The following PIK3C2B variants were observed in gnomAD, a reference collection of about 807,000 sequenced individuals.
PIK3C2B encodes the protein phosphatidylinositol-4-phosphate 3-kinase catalytic subunit type 2 beta, also known as phosphatidylinositol 4-phosphate 3-kinase C2 domain-containing subunit beta.
Under a neutral mutation model 184.3 loss-of-function variants are expected in PIK3C2B, and 83 were observed. That is an observed-to-expected ratio of 0.45 (90% CI 0.38 to 0.54). The LOEUF (loss-of-function observed/expected upper bound fraction) is 0.54, where lower values mean the gene tolerates loss of function less well. Ranked by LOEUF, PIK3C2B falls within the 20% of genes least tolerant of loss-of-function variation. PIK3C2B has a pLI of 0.00. For synonymous variants in PIK3C2B, 779 were observed against 837.6 expected (o/e 0.93, Z 1.21); for missense variants, 1,736 against 2,113.5 (o/e 0.82, Z 3.50).
intron 1 of PIK3C2B, chr1:204,490,260 T>C (rs1023281018): frequency 8.0e-6 from 2 of 249,932 alleles, no homozygotes; most frequent in African/African-American, 4.4e-5. Context: ...TTATTTCTGC[T>C]TCAGGACTAC....
At chr1:204,483,802 G>A (rs1244917419) in intron 1 of PIK3C2B, among the ~76,000 whole-genome samples, 1 of 152,172 alleles carries the variant, frequency 6.6e-6, no homozygotes, top group Non-Finnish European at 1.5e-5. Flanking sequence ...AGCAAAGGGT[G>A]AACCACTGGC....
At chr1:204,467,744 A>G (rs1296906773) in intron 2 of PIK3C2B, among the ~76,000 whole-genome samples, 1 of 144,784 alleles carries the variant, frequency 6.9e-6, no homozygotes, top group Non-Finnish European at 1.5e-5. Flanking sequence ...CTGAGGCAGG[A>G]GAATCTCTTG....
At chr1:204,449,428 G>C (rs564017448) in intron 13 of PIK3C2B, 132 bp from the exon 14 acceptor site, 9 of 687,762 alleles carry the variant, frequency 1.3e-5, no homozygotes, top group Admixed American at 2.4e-5. Context: ...TCTCACCGTG[G>C]ACCATAGCCT....
rs202100605 is a variant in PIK3C2B, at chr1:204,447,533, G to T, written c.2392C>A (p.Pro798Thr). The T allele has an allele frequency of 1.9e-6, 3 of 1,611,168 alleles. No homozygotes were observed. The highest frequency in any genetic ancestry group is 2.2e-5 in the South Asian group (2 of 90,996). The stretch of plus-strand genomic sequence containing the variant: ...TAGCGGGGGCTGAACTTGTCTCCAG[G>T]GGGGCTGGTGAACTTGATGTCAAAG... ...SAFDIKFTSP[P>T]GDKFSPRYEF... Residue 798 changes from proline (P) to threonine (T), a missense_variant, in exon 15 of 33, where the codon CCT (proline) becomes ACT (threonine). Physicochemically the swap from Pro to Thr is conservative, Grantham distance 38. Transcript: ENST00000684373. This position sits in a 1 kb window ranked among gnomAD's most constrained non-coding sequence, Gnocchi z 4.1.
At chr1:204,453,946 A>AT (rs899312070) in intron 12 of PIK3C2B, among the ~76,000 whole-genome samples, 62 of 150,894 alleles carry the variant, frequency 4.1e-4, no homozygotes, top group African/African-American at 1.3e-3. Flanking sequence ...GCTATTTTGT[A>AT]TTTTTTTTAG....
At chr1:204,471,003 G>A (rs1041061693) in intron 1 of PIK3C2B, among the ~76,000 whole-genome samples, 9 of 152,224 alleles carry the variant, frequency 5.9e-5, no homozygotes, top group African/African-American at 2.2e-4. Context: ...GGATTACAAC[G>A]GGACACAAGG....
At chr1:204,475,670 C>T (rs1159145074) in intron 1 of PIK3C2B, among the ~76,000 whole-genome samples, 1 of 152,172 alleles carries the variant, frequency 6.6e-6, no homozygotes, top group African/African-American at 2.4e-5. Context: ...TTGATTCCAA[C>T]CTACTGATTC....
Position 204,425,681 on chromosome 1 carries a change from G to A in PIK3C2B, c.4648C>T (p.Pro1550Ser), listed in dbSNP as rs546949370. 96 of 1,613,890 alleles carry A rather than the reference G, an allele frequency of 5.9e-5. No homozygotes were observed. In the African/African-American group the frequency reaches 6.8e-4, roughly 11 times the overall value. ...GTTTTCCTCTTAGTGGTTTTCTGAG[G>A]GTCAGGAAGGAGGTAAATTTTCACA... ...PYVKIYLLPDPQKTTKRKTKV... is the reference protein window; with the variant it reads ...PYVKIYLLPDSQKTTKRKTKV... The change falls in exon 32 of 33, where the codon CCT (proline) becomes TCT (serine). Residue 1550 changes from proline (P) to serine (S), a missense_variant. This residue lies in a region of PIK3C2B where 95 missense variants were observed against 164.2 expected (regional missense o/e 0.58). Transcript: ENST00000684373.
intron 1 of PIK3C2B, among the ~76,000 whole-genome samples, chr1:204,489,169 G>C (rs1224167546): frequency 2.0e-5 from 3 of 151,894 alleles, no homozygotes; most frequent in African/African-American, 7.3e-5. Context: ...ATTATTTTCA[G>C]AGACAGGGTC....
In PIK3C2B at chr1:204,443,549, C is replaced by T. The variant is rs1558242743; in HGVS notation, c.2916G>A (p.Gln972=). The T allele has an allele frequency of 6.2e-7, 1 of 1,614,226 alleles. No individual in the cohort carries two copies. Among genetic ancestry groups the T allele is most frequent in the Non-Finnish European group, 8.5e-7 (1 of 1,180,026 alleles). ...LKDSQFSIRY[Q]YLLAALLCCC... is the part of the protein sequence containing the mutation. ...AGCACAGTAAGGCTGCCAGCAGATACTGGTAGCGGATGCTGAACTGAGAGT... is the reference window on the plus strand; with the variant it reads ...AGCACAGTAAGGCTGCCAGCAGATATTGGTAGCGGATGCTGAACTGAGAGT... Residue 972 remains glutamine, a synonymous_variant, in exon 19 of 33, where the codon CAG becomes CAA. Transcript: ENST00000684373.
At position 204,428,230 on chromosome 1, in the gene PIK3C2B, A is replaced by C; in HGVS notation, c.4399-10T>G. ...TGTACACCAAATCACACTGGAACAG[A>C]ATCAGAAACAGGGCCATTCTTCAAT... On this transcript the variant is annotated splice_polypyrimidine_tract_variant and intron_variant, in intron 29 of 32. Coordinates refer to ENST00000684373, the MANE Select transcript of PIK3C2B (RefSeq NM_001377334.1). The C allele has an allele frequency of 5.1e-6, 8 of 1,579,730 alleles. No homozygotes were observed. Among genetic ancestry groups the C allele is most frequent in the Non-Finnish European group, 7.0e-6 (8 of 1,149,152 alleles).
chr1:204,470,131 C>A lies in PIK3C2B; in HGVS notation c.-84-245G>T, dbSNP rs61760616. 9.0e-3 allele frequency among the ~76,000 whole-genome samples: 1,371 copies of A among 151,964 alleles called. 13 individuals are homozygous for A. The highest frequency in any genetic ancestry group is 0.032 in the South Asian group (154 of 4,798). ...CTCTGCGCCCTAATCCCTATACTCA[C>A]CTCTGTCATTTGTGCCCCAAAAAGA... is the stretch of plus-strand genomic sequence containing the variant. On this transcript the variant is annotated intron_variant, in intron 1 of 32. Coordinates refer to ENST00000684373, the MANE Select transcript of PIK3C2B (RefSeq NM_001377334.1).
intron 1 of PIK3C2B, among the ~76,000 whole-genome samples, chr1:204,485,412 T>C (rs1657504327): frequency 1.3e-5 from 2 of 151,004 alleles, no homozygotes; most frequent in African/African-American, 4.8e-5. Flanking sequence ...TGAAAAATTA[T>C]TTTATTAGGC....
At chr1:204,443,950 A>G in intron 18 of PIK3C2B, 118 bp downstream of exon 18, 1 of 741,232 alleles carries the variant, frequency 1.3e-6, no homozygotes, top group Non-Finnish European at 2.4e-6. Context: ...GCCACAGGGT[A>G]AGTCAGCACA....
chr1:204,446,181 G>C, intron 15 of PIK3C2B, 37 bp from the exon 16 acceptor site: 1 of 1,455,438 alleles, frequency 6.9e-7, no homozygotes. Flanking sequence ...TGGTGGGAGG[G>C]TAGGGGGCAG....
At chr1:204,470,901 T>C (rs1209412557) in intron 1 of PIK3C2B, among the ~76,000 whole-genome samples, 1 of 152,272 alleles carries the variant, frequency 6.6e-6, no homozygotes, top group Non-Finnish European at 1.5e-5. Flanking sequence ...TACATATGAT[T>C]CCATTTATAT....
chr1:204,466,815 TG>T, intron 2 of PIK3C2B: 1 of 531,402 alleles, frequency 1.9e-6, no homozygotes, highest in Non-Finnish European at 3.9e-6. Context: ...CGATGCTGGC[TG>T]GGGGAGTCTG....
intron 1 of PIK3C2B, among the ~76,000 whole-genome samples, chr1:204,486,081 T>C (rs923004839): frequency 2.0e-4 from 30 of 152,238 alleles, no homozygotes; most frequent in African/African-American, 7.2e-4. Flanking sequence ...CAAAGCACTT[T>C]TATAGACATT....
chr1:204,424,867 A>G lies in PIK3C2B; in HGVS notation c.4890T>C (p.Ser1630=), dbSNP rs1674662413. 1 of 1,614,012 alleles carries G rather than the reference A, an allele frequency of 6.2e-7. No individual in the cohort carries two copies. The highest frequency in any genetic ancestry group is 8.5e-7 in the Non-Finnish European group (1 of 1,179,970). ...KTGWFALGSR[S]HGTL ...TCTGCTGGGCTCACAAGGTGCCATGACTTCGAGATCCCAGGGCGAACCAGC... is the reference window on the plus strand; with the variant it reads ...TCTGCTGGGCTCACAAGGTGCCATGGCTTCGAGATCCCAGGGCGAACCAGC... The change falls in exon 33 of 33, where the codon AGT becomes AGC. Residue 1630 remains serine, a synonymous_variant. Transcript: ENST00000684373.
Sources: gnomAD v4.1 joint callset for allele counts (sites outside exome capture counted in the v4.1 genomes callset) on GRCh38, gnomAD v4.1.1 for gene constraint, gnomAD v4.1.1 regional missense constraint, Gnocchi (gnomAD v3.1) non-coding constraint, MANE v1.5 for transcripts, NCBI Gene and HGNC (gene_info 2026-07-23, HGNC 2026-07-21) for gene names.